The following ADAMTS19 variants were observed in gnomAD, a reference collection of about 807,000 sequenced individuals.
The protein encoded by ADAMTS19 is ADAM metallopeptidase with thrombospondin type 1 motif 19.
Under a neutral mutation model 153.3 loss-of-function variants are expected in ADAMTS19, and 93 were observed. The ratio of observed to expected loss-of-function variants is 0.61; its 90% CI spans 0.51 to 0.72. ADAMTS19 has a LOEUF of 0.72. Among genes scored for constraint, ADAMTS19 ranks in the 30% least tolerant of loss-of-function variants. The pLI, the probability that ADAMTS19 is intolerant of heterozygous loss-of-function variation, is 0.00. For synonymous variants in ADAMTS19, 600 were observed against 556.6 expected (o/e 1.08, Z -1.10); for missense variants, 1,482 against 1,552.1 (o/e 0.95, Z 0.76).
intron 7 of ADAMTS19, among the ~76,000 whole-genome samples, chr5:129,587,252 C>G (rs2126898729): frequency 6.6e-6 from 1 of 151,456 alleles, no homozygotes; most frequent in Non-Finnish European, 1.5e-5. Context: ...TCAAGAATGT[C>G]TGTTTGATTT....
intron 16 of ADAMTS19, among the ~76,000 whole-genome samples, chr5:129,666,453 A>G (rs923540567): frequency 2.1e-4 from 32 of 152,102 alleles, no homozygotes; most frequent in Non-Finnish European, 4.3e-4. Flanking sequence ...TTTTTTCTTT[A>G]ATGAGCAATA....
In ADAMTS19 at chr5:129,715,188, C is replaced by T. The variant is rs1581255554; in HGVS notation, c.3312+10797C>T. 2.0e-5 allele frequency among the ~76,000 whole-genome samples: 3 copies of T among 152,046 alleles called. No homozygotes were observed. In the South Asian group the frequency reaches 6.2e-4, roughly 32 times the overall value. ...TGAATTTTTTTACTTATAATTTTAC[C>T]ATATCTATAGAATTACTTTTAATTT... On this transcript the variant is annotated intron_variant, in intron 21 of 22. Transcript: ENST00000274487.
At chr5:129,601,190 G>A (rs1275728851) in intron 8 of ADAMTS19, among the ~76,000 whole-genome samples, 3 of 152,062 alleles carry the variant, frequency 2.0e-5, no homozygotes, top group Admixed American at 6.6e-5. Flanking sequence ...TTATTTTTCT[G>A]GTAACTAAAA....
chr5:129,528,691 T>A lies in ADAMTS19; in HGVS notation c.1328+14T>A, dbSNP rs759568613. 1 of 1,577,038 alleles carries A rather than the reference T, an allele frequency of 6.3e-7. No individual in the cohort carries two copies. Reference sequence around the variant, plus strand: ...ACTTATAACAAGGTAAATTTTCCAATGCCAATTAAATGGCATTCCTAATTC... The same window carrying A: ...ACTTATAACAAGGTAAATTTTCCAAAGCCAATTAAATGGCATTCCTAATTC... On this transcript the variant is annotated intron_variant, in intron 6 of 22. Coordinates refer to ENST00000274487, the MANE Select transcript of ADAMTS19 (RefSeq NM_133638.6).
chr5:129,708,268 GAC>G (rs2127174687), intron 21 of ADAMTS19, among the ~76,000 whole-genome samples: 1 of 152,226 alleles, frequency 6.6e-6, no homozygotes, highest in South Asian at 2.1e-4. Flanking sequence ...GCAAAAATAG[GAC>G]ACATACAATG....
intron 20 of ADAMTS19, among the ~76,000 whole-genome samples, chr5:129,702,941 A>AAAAAT: frequency 3.4e-4 from 10 of 29,312 alleles, no homozygotes; most frequent in South Asian, 3.3e-3. Context: ...AAAAAAAAAA[A>AAAAAT]ATATATATAT....
chr5:129,539,405 C>T (rs1752576506), intron 6 of ADAMTS19, among the ~76,000 whole-genome samples: 1 of 152,058 alleles, frequency 6.6e-6, no homozygotes, highest in South Asian at 2.1e-4. Context: ...AAGGCCAGGA[C>T]ATAGATTATA....
At chr5:129,465,741 A>G (rs953893458) in intron 2 of ADAMTS19, among the ~76,000 whole-genome samples, 2 of 152,208 alleles carry the variant, frequency 1.3e-5, no homozygotes, top group East Asian at 3.8e-4. Flanking sequence ...ATCAGTCAAC[A>G]TCCAAATGAA....
chr5:129,462,108 G>A (rs1232374924), intron 2 of ADAMTS19, among the ~76,000 whole-genome samples: 1 of 152,130 alleles, frequency 6.6e-6, no homozygotes, highest in Non-Finnish European at 1.5e-5. Flanking sequence ...TGTCTTTTAG[G>A]AACTCGAAAG....
chr5:129,463,889 A>T lies in ADAMTS19; in HGVS notation c.747+2132A>T, dbSNP rs531768480. 2.0e-5 allele frequency among the ~76,000 whole-genome samples: 3 copies of T among 152,336 alleles called. No individual in the cohort carries two copies. In the South Asian group the frequency reaches 6.2e-4, roughly 32 times the overall value. The stretch of plus-strand genomic sequence containing the variant: ...TCTGCCTTTTAGGGGCTCACAAGTT[A>T]AGAGAAAGATATCACCTGTAAGTGG... On this transcript the variant is annotated intron_variant, in intron 2 of 22. Coordinates refer to ENST00000274487, the MANE Select transcript of ADAMTS19 (RefSeq NM_133638.6).
intron 13 of ADAMTS19, among the ~76,000 whole-genome samples, chr5:129,651,863 A>G (rs1753331240): frequency 6.6e-6 from 1 of 152,188 alleles, no homozygotes; most frequent in African/African-American, 2.4e-5. Context: ...TTTTATTATA[A>G]AAATATAATC....
intron 13 of ADAMTS19, among the ~76,000 whole-genome samples, chr5:129,651,660 T>C (rs1267712335): frequency 6.6e-6 from 1 of 152,184 alleles, no homozygotes; most frequent in African/African-American, 2.4e-5. Context: ...TGTATGTCAG[T>C]TCCTCTAGGA....
chr5:129,517,280 T>C (rs1448293947), intron 3 of ADAMTS19, among the ~76,000 whole-genome samples: 1 of 151,988 alleles, frequency 6.6e-6, no homozygotes, highest in African/African-American at 2.4e-5. Context: ...TAATGTTCTG[T>C]AAATCTTTAT....
intron 2 of ADAMTS19, among the ~76,000 whole-genome samples, chr5:129,475,641 T>C (rs1418031384): frequency 1.3e-5 from 2 of 152,168 alleles, no homozygotes; most frequent in African/African-American, 4.8e-5. Flanking sequence ...GAGACCAGCC[T>C]GGCCTACATG....
At chr5:129,615,829 C>T (rs78916073) in intron 8 of ADAMTS19, among the ~76,000 whole-genome samples, 3,599 of 152,054 alleles carry the variant, frequency 0.024, 63 homozygotes, top group Non-Finnish European at 0.035. Flanking sequence ...AGGATCCAGG[C>T]ATCCATTGGC....
At chr5:129,603,460 C>T (rs952110356) in intron 8 of ADAMTS19, among the ~76,000 whole-genome samples, 1 of 152,092 alleles carries the variant, frequency 6.6e-6, no homozygotes, top group Admixed American at 6.6e-5. Context: ...TTTTTATATA[C>T]ACACATACAA....
chr5:129,610,920 T>C (rs1751179747), intron 8 of ADAMTS19, among the ~76,000 whole-genome samples: 1 of 152,178 alleles, frequency 6.6e-6, no homozygotes, highest in Non-Finnish European at 1.5e-5. Flanking sequence ...TGTAAAAGTG[T>C]TCCTATTTCT....
In ADAMTS19 at chr5:129,665,513, C is replaced by G; in HGVS notation, c.2440C>G (p.Leu814Val). 1.9e-6 allele frequency: 3 copies of G among 1,609,354 alleles called. No homozygotes were observed. Among genetic ancestry groups the G allele is most frequent in the Non-Finnish European group, 2.5e-6 (3 of 1,176,916 alleles). The change falls in exon 16 of 23, where the codon CTG becomes GTG. Residue 814 changes from leucine to valine, a missense_variant. By Grantham distance (32) the Leu-to-Val change is conservative. This residue lies in a region of ADAMTS19 where 616 missense variants were observed against 724.4 expected (regional missense o/e 0.85). Coordinates refer to ENST00000274487, the MANE Select transcript of ADAMTS19 (RefSeq NM_133638.6). ...GACTCTTACAGGTTATGTAGAAGTGCTGGTGATACCTGCTGGAGCAAGAAG... is the reference window on the plus strand; with the variant it reads ...GACTCTTACAGGTTATGTAGAAGTGGTGGTGATACCTGCTGGAGCAAGAAG... ...HTRGAGYVEV[L>V]VIPAGARRIK...
intron 13 of ADAMTS19, among the ~76,000 whole-genome samples, chr5:129,651,770 G>A (rs546428379): frequency 6.6e-6 from 1 of 152,188 alleles, no homozygotes; most frequent in East Asian, 1.9e-4. Flanking sequence ...TCCCTCTAAT[G>A]TCTGTCCCTA....
Sources: allele counts gnomAD v4.1 joint callset (sites outside exome capture counted in the v4.1 genomes callset), GRCh38; gene constraint gnomAD v4.1.1; regional missense constraint gnomAD v4.1.1; transcripts MANE v1.5; gene names NCBI Gene and HGNC (gene_info 2026-07-23, HGNC 2026-07-21).